Variants in RIC3 observed in about 807,000 individuals in gnomAD.
The protein encoded by RIC3 is protein RIC-3.
RIC3 carries 28 observed loss-of-function variants against 27.3 expected under a neutral mutation model. The observed-to-expected ratio is 1.02, with a 90% CI of 0.76 to 1.41. The LOEUF is 1.41. Ranked by LOEUF, RIC3 falls within the 40% of genes most tolerant of loss-of-function variation. The pLI is 0.00. For missense variants in RIC3, 501 were observed against 444.7 expected (o/e 1.13, Z -1.14); for synonymous variants, 184 against 160.4 (o/e 1.15, Z -1.11).
chr11:8,153,851 A>G (rs992747821), intron 1 of RIC3, among the ~76,000 whole-genome samples: 1 of 152,122 alleles, frequency 6.6e-6, no homozygotes, highest in Admixed American at 6.6e-5. Context: ...CTTTCTTTGT[A>G]GATTCATTCT....
chr11:8,165,108 G>A (rs1397665610), intron 1 of RIC3, among the ~76,000 whole-genome samples: 1 of 152,150 alleles, frequency 6.6e-6, no homozygotes, highest in Non-Finnish European at 1.5e-5. Context: ...TCCTCAAAAG[G>A]TTAAACATGT....
chr11:8,097,753 A>G, the RIC3 span: 1 of 1,613,986 alleles, frequency 6.2e-7, no homozygotes, highest in Non-Finnish European at 8.5e-7. Flanking sequence ...GAAGAGTAAA[A>G]CTTCCAATTA....
chr11:8,163,018 A>AAC (rs59248468), intron 1 of RIC3, among the ~76,000 whole-genome samples: 18,120 of 135,878 alleles, frequency 0.13, 1,122 homozygotes, highest in Middle Eastern at 0.16. Context: ...GGATTATTTA[A>AAC]ACACACACAC....
rs1047324943 is a variant in RIC3, at chr11:8,110,565, C to T, written c.*133G>A. 1.2e-6 allele frequency: 1 copy of T among 809,046 alleles called. No homozygotes were observed. Among genetic ancestry groups the T allele is most frequent in the South Asian group, 1.4e-5 (1 of 72,432 alleles). 50.1% of individuals were successfully genotyped at this position (809,046 alleles called of 1,614,324 possible). On this transcript the variant is annotated 3_prime_UTR_variant, in exon 6 of 6. Transcript: ENST00000309737. Reference sequence around the variant, plus strand: ...GAGCACCAGGAAGGATACATGATATCCATGATAGTGGCCTGATAGCTATGA... The same window carrying T: ...GAGCACCAGGAAGGATACATGATATTCATGATAGTGGCCTGATAGCTATGA...
intron 2 of RIC3, chr11:8,139,200 T>C (rs1206209769): frequency 6.6e-6 from 1 of 152,362 alleles, no homozygotes; most frequent in African/African-American, 2.4e-5. Context: ...TGGCACCCTA[T>C]GGGCATTCTT....
intron 5 of RIC3, among the ~76,000 whole-genome samples, chr11:8,115,119 CAAGT>C (rs1429352315): frequency 1.3e-5 from 2 of 151,832 alleles, no homozygotes; most frequent in Admixed American, 6.6e-5. Context: ...AGACTGAACT[CAAGT>C]AAGACTATAT....
chr11:8,112,168 A>C (rs1945341103), intron 5 of RIC3, among the ~76,000 whole-genome samples: 1 of 152,246 alleles, frequency 6.6e-6, no homozygotes, highest in Non-Finnish European at 1.5e-5. Context: ...TTTGAAAAAA[A>C]TACAGGCTAG....
At chr11:8,127,117 T>C (rs1313847470) in intron 4 of RIC3, among the ~76,000 whole-genome samples, 1 of 152,184 alleles carries the variant, frequency 6.6e-6, no homozygotes, top group Non-Finnish European at 1.5e-5. Context: ...TTTCAGGGTA[T>C]GTCAATGCCC....
chr11:8,119,750 G>A (rs1214113395), intron 5 of RIC3, among the ~76,000 whole-genome samples: 1 of 152,126 alleles, frequency 6.6e-6, no homozygotes, highest in Non-Finnish European at 1.5e-5. Context: ...CCATCAGAGT[G>A]AACAGGCAAC....
At chr11:8,094,709 T>TA in the RIC3 span, among the ~76,000 whole-genome samples, 3 of 152,204 alleles carry the variant, frequency 2.0e-5, no homozygotes, top group African/African-American at 7.2e-5. Context: ...AAAAGACCCC[T>TA]AAAGATTAAG....
At chr11:8,100,178 G>A in the RIC3 span, among the ~76,000 whole-genome samples, 1 of 152,204 alleles carries the variant, frequency 6.6e-6, no homozygotes, top group Non-Finnish European at 1.5e-5. Context: ...GGTATAATTG[G>A]AAGGTGGAGC....
intron 5 of RIC3, among the ~76,000 whole-genome samples, chr11:8,122,369 C>A (rs770317799): frequency 3.9e-5 from 6 of 152,022 alleles, no homozygotes; most frequent in Non-Finnish European, 8.8e-5. Context: ...TTTTTTCCCC[C>A]TACTCAGCAT....
intron 4 of RIC3, among the ~76,000 whole-genome samples, chr11:8,134,659 T>G (rs1221123577): frequency 6.6e-6 from 1 of 152,120 alleles, no homozygotes; most frequent in East Asian, 1.9e-4. Flanking sequence ...CAGCACCTGT[T>G]ATTTCCTGAC....
chr11:8,115,321 A>C (rs552540536), intron 5 of RIC3, among the ~76,000 whole-genome samples: 82 of 152,174 alleles, frequency 5.4e-4, no homozygotes, highest in African/African-American at 1.9e-3. Context: ...AAACAAAAAA[A>C]AAAAAGGTCA....
intron 5 of RIC3, among the ~76,000 whole-genome samples, chr11:8,118,882 A>G (rs1262144880): frequency 1.3e-5 from 2 of 151,832 alleles, no homozygotes; most frequent in African/African-American, 4.8e-5. Flanking sequence ...AAAAAAAAAA[A>G]GAAAAAATAG....
chr11:8,127,572 G>C (rs1212185552), intron 4 of RIC3, among the ~76,000 whole-genome samples: 2 of 152,138 alleles, frequency 1.3e-5, no homozygotes, highest in East Asian at 3.9e-4. Flanking sequence ...AATAACATGA[G>C]ACTCAAGGAT....
At chr11:8,147,719 G>A (rs1275418436) in intron 1 of RIC3, among the ~76,000 whole-genome samples, 14 of 149,208 alleles carry the variant, frequency 9.4e-5, no homozygotes, top group African/African-American at 9.9e-5. Flanking sequence ...TAGAACTTGC[G>A]TAAGATTTTT....
chr11:8,143,465 T>C (rs2133974773), intron 1 of RIC3, among the ~76,000 whole-genome samples: 1 of 150,966 alleles, frequency 6.6e-6, no homozygotes, highest in South Asian at 2.1e-4. Flanking sequence ...GGAATCCAAC[T>C]TACAAGGGAT....
At chr11:8,094,303 A>G in the RIC3 span, 3 of 1,345,258 alleles carry the variant, frequency 2.2e-6, no homozygotes, top group Admixed American at 2.7e-5. Flanking sequence ...GCCTCAGGGA[A>G]GACACAGACT....
Sources: allele counts gnomAD v4.1 joint callset (sites outside exome capture counted in the v4.1 genomes callset), GRCh38; gene constraint gnomAD v4.1.1; transcripts MANE v1.5; gene names NCBI Gene and HGNC (gene_info 2026-07-23, HGNC 2026-07-21).